SEMA6D: variants seen among roughly 807,000 people sequenced by gnomAD.
SEMA6D encodes the protein semaphorin 6D, also known as semaphorin-6D.
SEMA6D carries 35 observed loss-of-function variants against 106.6 expected under a neutral mutation model. The observed-to-expected ratio is 0.33, with a 90% CI of 0.25 to 0.44. The LOEUF is 0.44. Ranked by LOEUF, SEMA6D falls within the 20% of genes least tolerant of loss-of-function variation. The probability of loss-of-function intolerance (pLI) is 1.00; values close to 1 mark genes in which losing one functional copy is unlikely to be tolerated. For synonymous variants in SEMA6D, 499 were observed against 487.7 expected, an observed-to-expected ratio of 1.02 and a Z score of -0.31; for missense variants, 1,185 against 1,345.9, an observed-to-expected ratio of 0.88 and a Z score of 1.87.
intron 1 of SEMA6D, among the ~76,000 whole-genome samples, chr15:47,352,775 A>G (rs936750360): frequency 1.3e-5 from 2 of 152,156 alleles, no homozygotes; most frequent in Non-Finnish European, 2.9e-5. Context: ...ATACTGCAAG[A>G]CTTTTTGAAC....
At chr15:47,386,267 G>T (rs1316454620) in intron 1 of SEMA6D, among the ~76,000 whole-genome samples, 1 of 152,134 alleles carries the variant, frequency 6.6e-6, no homozygotes, top group Admixed American at 6.5e-5. Flanking sequence ...CCAACTGGGG[G>T]TAGGGACTTG....
chr15:47,651,801 A>G (rs573034848), intron 4 of SEMA6D, among the ~76,000 whole-genome samples: 2 of 152,258 alleles, frequency 1.3e-5, no homozygotes, highest in East Asian at 1.9e-4. Flanking sequence ...AACATTTCCA[A>G]TTGTTTCCAT....
intron 1 of SEMA6D, among the ~76,000 whole-genome samples, chr15:47,259,105 C>T (rs969596559): frequency 2.0e-5 from 3 of 152,072 alleles, no homozygotes; most frequent in Admixed American, 6.5e-5. Context: ...CTTTGGTTTA[C>T]GTCCTTATAT....
At chr15:47,413,246 A>G (rs1354065375) in intron 2 of SEMA6D, among the ~76,000 whole-genome samples, 1 of 152,184 alleles carries the variant, frequency 6.6e-6, no homozygotes, top group African/African-American at 2.4e-5. Context: ...AGAGAGCACC[A>G]TCTCTGGAAA....
chr15:47,218,457 G>C (rs1293116317), intron 1 of SEMA6D, among the ~76,000 whole-genome samples: 2 of 152,122 alleles, frequency 1.3e-5, no homozygotes, highest in African/African-American at 2.4e-5. Flanking sequence ...ATTGTTTCCA[G>C]AAAGTGACTC....
chr15:47,411,931 A>T (rs2040813632), intron 1 of SEMA6D, among the ~76,000 whole-genome samples: 2 of 91,974 alleles, frequency 2.2e-5, no homozygotes, highest in Admixed American at 2.4e-4. Context: ...GTGACAAGGG[A>T]CTCAGTGAAA....
At chr15:47,453,379 A>G (rs1376855073) in intron 2 of SEMA6D, among the ~76,000 whole-genome samples, 2 of 152,022 alleles carry the variant, frequency 1.3e-5, no homozygotes, top group Non-Finnish European at 2.9e-5. Flanking sequence ...TAAATCAACA[A>G]TGCTAAACCT....
intron 2 of SEMA6D, among the ~76,000 whole-genome samples, chr15:47,459,882 T>A (rs1567094684): frequency 6.6e-6 from 1 of 152,174 alleles, no homozygotes; most frequent in East Asian, 1.9e-4. Context: ...TGTATTTGGT[T>A]CTTCTACTTC....
chr15:47,509,267 C>T (rs2044147417), intron 3 of SEMA6D, among the ~76,000 whole-genome samples: 1 of 151,224 alleles, frequency 6.6e-6, no homozygotes, highest in Non-Finnish European at 1.5e-5. Context: ...AATTTCAAAA[C>T]CCTACACTGT....
intron 4 of SEMA6D, among the ~76,000 whole-genome samples, chr15:47,686,714 A>G (rs1171288966): frequency 1.3e-5 from 2 of 152,146 alleles, no homozygotes; most frequent in South Asian, 2.1e-4. Flanking sequence ...ATGTGTGTCA[A>G]ATTCCTTGAA....
At chr15:47,659,633 T>C (rs1305355277) in intron 4 of SEMA6D, among the ~76,000 whole-genome samples, 4 of 152,058 alleles carry the variant, frequency 2.6e-5, no homozygotes, top group African/African-American at 9.7e-5. Flanking sequence ...GTGTCAAAAA[T>C]ATTTCTAAAA....
At chr15:47,252,448 T>C (rs1052550606) in intron 1 of SEMA6D, among the ~76,000 whole-genome samples, 1 of 152,126 alleles carries the variant, frequency 6.6e-6, no homozygotes, top group South Asian at 2.1e-4. Flanking sequence ...CACAACACAC[T>C]GTTATGAGCT....
At chr15:47,717,945 AGGG>A (rs2079188283) in intron 1 of SEMA6D, among the ~76,000 whole-genome samples, 1 of 151,514 alleles carries the variant, frequency 6.6e-6, no homozygotes, top group Admixed American at 6.6e-5. Context: ...GGACGCGCAA[AGGG>A]CTAGAGAGGT....
chr15:47,706,319 A>G (rs1266670582), intron 4 of SEMA6D, among the ~76,000 whole-genome samples: 1 of 152,224 alleles, frequency 6.6e-6, no homozygotes, highest in Admixed American at 6.5e-5. Flanking sequence ...AATCCTTTGT[A>G]GTTTATTCCT....
At chr15:47,256,252 A>G (rs1463750433) in intron 1 of SEMA6D, among the ~76,000 whole-genome samples, 2 of 152,196 alleles carry the variant, frequency 1.3e-5, no homozygotes, top group Non-Finnish European at 2.9e-5. Flanking sequence ...TCAAAAATGT[A>G]CTGAGATTTT....
chr15:47,193,421 A>G (rs1159326892), intron 1 of SEMA6D, among the ~76,000 whole-genome samples: 1 of 152,270 alleles, frequency 6.6e-6, no homozygotes, highest in South Asian at 2.1e-4. Context: ...AGTCTACTGC[A>G]AATATTCCCA....
At chr15:47,328,567 C>G (rs980652592) in intron 1 of SEMA6D, among the ~76,000 whole-genome samples, 1 of 152,204 alleles carries the variant, frequency 6.6e-6, no homozygotes, top group African/African-American at 2.4e-5. Context: ...CACAGCATTT[C>G]CTGGTATTCT....
chr15:47,489,110 T>A (rs1476679037), intron 3 of SEMA6D, among the ~76,000 whole-genome samples: 3 of 151,986 alleles, frequency 2.0e-5, no homozygotes, highest in Admixed American at 1.3e-4. Context: ...CTAAATCCAA[T>A]GAGAAGTGTC....
At chr15:47,768,559 A>G (rs2082466273) in intron 17 of SEMA6D, 22 bp from the exon 18 acceptor site, 1 of 1,576,892 alleles carries the variant, frequency 6.3e-7, no homozygotes, top group South Asian at 1.2e-5. Context: ...CCATATTAAT[A>G]AAAATCTGTT....
Sources: gnomAD v4.1 joint callset for allele counts (sites outside exome capture counted in the v4.1 genomes callset) on GRCh38, gnomAD v4.1.1 for gene constraint, MANE v1.5 for transcripts, NCBI Gene and HGNC (gene_info 2026-07-23, HGNC 2026-07-21) for gene names.